The following ITGBL1 variants were observed in gnomAD, a reference collection of about 807,000 sequenced individuals.
ITGBL1 encodes the protein integrin beta-like protein 1.
ITGBL1 carries 51 observed loss-of-function variants against 68.5 expected under a neutral mutation model. The ratio of observed to expected loss-of-function variants is 0.74; its 90% CI spans 0.59 to 0.94. The LOEUF (loss-of-function observed/expected upper bound fraction) is 0.94, where lower values mean the gene tolerates loss of function less well. Among genes scored for constraint, ITGBL1 ranks in the 40% least tolerant of loss-of-function variants. ITGBL1 has a pLI of 0.00. For synonymous variants in ITGBL1, 209 were observed against 227.3 expected (o/e 0.92, Z 0.72); for missense variants, 649 against 647.4 (o/e 1.00, Z -0.03).
chr13:101,536,768 A>G (rs1196150276), intron 2 of ITGBL1, among the ~76,000 whole-genome samples: 1 of 151,966 alleles, frequency 6.6e-6, no homozygotes, highest in Non-Finnish European at 1.5e-5. Flanking sequence ...TCACTAGTAA[A>G]TAATACCTTT....
In ITGBL1 at chr13:101,694,406, ACTTTT is replaced by A. The variant is rs534613927; in HGVS notation, c.1132+1726_1132+1730del. ...TGTCTCTGCTCTTGTTACCATTGTT[ACTTTT>A]CTTTTCTTTTCTTTTCTTTTTTTTC... On this transcript the variant is annotated intron_variant, in intron 8 of 10. Coordinates refer to ENST00000376180, the MANE Select transcript of ITGBL1 (RefSeq NM_004791.3). Among the ~76,000 whole-genome samples the A allele has an allele frequency of 3.0e-3, 456 of 151,818 alleles. 2 individuals carry two copies. The highest frequency in any genetic ancestry group is 9.9e-3 in the African/African-American group (410 of 41,378).
chr13:101,605,402 G>A (rs976339550), intron 7 of ITGBL1, among the ~76,000 whole-genome samples: 4 of 141,816 alleles, frequency 2.8e-5, no homozygotes, highest in Non-Finnish European at 6.1e-5. Flanking sequence ...ATGTATGTGT[G>A]TATATGCGTA....
At chr13:101,503,388 T>C (rs897019858) in intron 2 of ITGBL1, among the ~76,000 whole-genome samples, 2 of 152,122 alleles carry the variant, frequency 1.3e-5, no homozygotes, top group Non-Finnish European at 2.9e-5. Context: ...GAAGAAATGC[T>C]AACAAGAATT....
At chr13:101,637,080 G>T (rs942690712) in intron 7 of ITGBL1, among the ~76,000 whole-genome samples, 2 of 151,968 alleles carry the variant, frequency 1.3e-5, no homozygotes, top group African/African-American at 4.8e-5. Flanking sequence ...GTTCATGTGC[G>T]TATCACCAAA....
At chr13:101,668,101 G>C (rs376167834) in intron 7 of ITGBL1, among the ~76,000 whole-genome samples, 2 of 152,220 alleles carry the variant, frequency 1.3e-5, no homozygotes, top group East Asian at 3.9e-4. Flanking sequence ...TATAAATTCA[G>C]CTTAGGCCAG....
chr13:101,626,387 G>T (rs1158080677), intron 7 of ITGBL1, among the ~76,000 whole-genome samples: 6 of 152,146 alleles, frequency 3.9e-5, no homozygotes, highest in Admixed American at 3.9e-4. Flanking sequence ...TTAGAAAAAT[G>T]TCATTGTAAG....
At chr13:101,686,094 A>C (rs1057050791) in intron 7 of ITGBL1, among the ~76,000 whole-genome samples, 2 of 152,038 alleles carry the variant, frequency 1.3e-5, no homozygotes, top group Admixed American at 6.6e-5. Flanking sequence ...CTTTTTGGGA[A>C]GTTTACTTTA....
intron 7 of ITGBL1, among the ~76,000 whole-genome samples, chr13:101,641,020 T>C (rs1340378124): frequency 6.6e-6 from 1 of 152,222 alleles, no homozygotes; most frequent in African/African-American, 2.4e-5. Flanking sequence ...GGTTTTGAAA[T>C]CTGCACTGCA....
At chr13:101,642,492 A>G (rs2032415905) in intron 7 of ITGBL1, among the ~76,000 whole-genome samples, 1 of 151,502 alleles carries the variant, frequency 6.6e-6, no homozygotes, top group African/African-American at 2.4e-5. Flanking sequence ...GGTTGCAAAA[A>G]TTTTCTCCCA....
At chr13:101,587,712 G>C (rs1020304390) in intron 6 of ITGBL1, among the ~76,000 whole-genome samples, 2 of 152,132 alleles carry the variant, frequency 1.3e-5, no homozygotes, top group Non-Finnish European at 2.9e-5. Flanking sequence ...GGAATATTTT[G>C]ATAGAACCAT....
intron 3 of ITGBL1, among the ~76,000 whole-genome samples, chr13:101,568,325 T>C (rs1011614962): frequency 6.6e-6 from 1 of 152,160 alleles, no homozygotes; most frequent in African/African-American, 2.4e-5. Flanking sequence ...GATCAAAATA[T>C]TTTTTATTTC....
At chr13:101,635,083 A>G (rs1055295663) in intron 7 of ITGBL1, among the ~76,000 whole-genome samples, 5 of 152,092 alleles carry the variant, frequency 3.3e-5, no homozygotes, top group African/African-American at 7.2e-5. Flanking sequence ...GTTAAATTGT[A>G]TATTATATAG....
chr13:101,599,934 C>T (rs1381678748), intron 7 of ITGBL1, among the ~76,000 whole-genome samples: 1 of 151,960 alleles, frequency 6.6e-6, no homozygotes, highest in Non-Finnish European at 1.5e-5. Context: ...TTTTTTGGTT[C>T]CATATGAACT....
At chr13:101,683,067 C>T (rs2033679377) in intron 7 of ITGBL1, among the ~76,000 whole-genome samples, 1 of 151,916 alleles carries the variant, frequency 6.6e-6, no homozygotes, top group Admixed American at 6.6e-5. Flanking sequence ...CCATTATGCC[C>T]AGAAAAGTAT....
chr13:101,539,050 C>CT (rs35288585), intron 2 of ITGBL1, among the ~76,000 whole-genome samples: 27,935 of 99,680 alleles, frequency 0.28, 3,653 homozygotes, highest in East Asian at 0.53. Flanking sequence ...TGTGCTGCTT[C>CT]TTTTTTTTTT....
chr13:101,534,722 A>G (rs9513912), intron 2 of ITGBL1, among the ~76,000 whole-genome samples: 3,879 of 152,256 alleles, frequency 0.025, 59 homozygotes, highest in Middle Eastern at 0.041. Context: ...CAAAAAGTTG[A>G]AAGAAGGTGT....
At chr13:101,586,926 T>C (rs554158342) in intron 6 of ITGBL1, among the ~76,000 whole-genome samples, 1 of 152,302 alleles carries the variant, frequency 6.6e-6, no homozygotes, top group East Asian at 1.9e-4. Flanking sequence ...TATAGTTGAT[T>C]ATTGAGTATA....
At chr13:101,512,958 G>A (rs1474110924) in intron 2 of ITGBL1, among the ~76,000 whole-genome samples, 2 of 152,052 alleles carry the variant, frequency 1.3e-5, no homozygotes, top group Admixed American at 6.6e-5. Flanking sequence ...CTGGTGAATC[G>A]TTTTGTCTGG....
At chr13:101,491,323 C>G (rs556566332) in intron 2 of ITGBL1, among the ~76,000 whole-genome samples, 1 of 152,172 alleles carries the variant, frequency 6.6e-6, no homozygotes, top group Non-Finnish European at 1.5e-5. Flanking sequence ...ACCATCACTG[C>G]AAAACTTACC....
Sources: allele counts gnomAD v4.1 joint callset (sites outside exome capture counted in the v4.1 genomes callset), GRCh38; gene constraint gnomAD v4.1.1; transcripts MANE v1.5; gene names NCBI Gene and HGNC (gene_info 2026-07-23, HGNC 2026-07-21).